TRIM42: variants seen among roughly 807,000 people sequenced by gnomAD.
TRIM42 encodes the protein tripartite motif-containing protein 42.
TRIM42 carries 59 observed loss-of-function variants against 64.9 expected under a neutral mutation model. The ratio of observed to expected loss-of-function variants is 0.91; its 90% confidence interval spans 0.74 to 1.13. The LOEUF (loss-of-function observed/expected upper bound fraction) is 1.13. Among genes scored for constraint, TRIM42 ranks in the 50% most tolerant of loss-of-function variants. TRIM42 has a pLI of 0.00. For synonymous variants in TRIM42, 354 were observed against 346.3 expected, an observed-to-expected ratio of 1.02 and a Z score of -0.25; for missense variants, 878 against 929.5, an observed-to-expected ratio of 0.94 and a Z score of 0.72.
At chr3:140,681,539 A>G (rs1468204185) in intron 1 of TRIM42, among the ~76,000 whole-genome samples, 1 of 152,078 alleles carries the variant, frequency 6.6e-6, no homozygotes, top group East Asian at 1.9e-4. Flanking sequence ...ATCCATTACC[A>G]TTACCTATTG....
At position 140,678,516 on chromosome 3, in the gene TRIM42, G is replaced by T. The variant is rs374519064; in HGVS notation, c.287G>T (p.Cys96Phe). 1 of 1,614,024 alleles carries T rather than the reference G, an allele frequency of 6.2e-7. No individual in the cohort carries two copies. The highest frequency in any genetic ancestry group is 8.5e-7 in the Non-Finnish European group (1 of 1,180,040). The change falls in exon 1 of 5, where the codon TGC becomes TTC. Residue 96 changes from cysteine to phenylalanine, a missense_variant. Cys to Phe is a radical substitution (Grantham distance 205). Transcript: ENST00000286349. Reference protein sequence around the residue: ...LNCYYYESRCCRNTIITFHKG... With the variant: ...LNCYYYESRCFRNTIITFHKG... ...TGCTACTACTATGAGAGCCGCTGCT[G>T]CCGCAATACCATCATCACTTTCCAC...
At chr3:140,689,134 C>G (rs938901522) in intron 3 of TRIM42, among the ~76,000 whole-genome samples, 15 of 152,200 alleles carry the variant, frequency 9.9e-5, no homozygotes, top group African/African-American at 3.6e-4. Context: ...TGCCTGGCCT[C>G]AAGGGACATG....
intron 1 of TRIM42, 89 bp downstream of exon 1, chr3:140,678,659 T>A: frequency 1.9e-6 from 2 of 1,055,466 alleles, no homozygotes; most frequent in Non-Finnish European, 2.7e-6. Context: ...GGCAGGCCAG[T>A]GAGCCTCTGA....
chr3:140,695,113 T>C (rs1988815866), intron 4 of TRIM42, among the ~76,000 whole-genome samples: 1 of 151,788 alleles, frequency 6.6e-6, no homozygotes, highest in Non-Finnish European at 1.5e-5. Flanking sequence ...CTGGGTGTGG[T>C]GGTGTGCGCT....
chr3:140,687,431 T>C (rs1005729780), intron 2 of TRIM42, among the ~76,000 whole-genome samples: 1 of 152,142 alleles, frequency 6.6e-6, no homozygotes, highest in Non-Finnish European at 1.5e-5. Context: ...AAAACCAATA[T>C]CAAGGGTGGG....
chr3:140,700,931 G>T lies in TRIM42; in HGVS notation c.2129G>T (p.Gly710Val). 2 of 1,614,114 alleles carry T rather than the reference G, an allele frequency of 1.2e-6. No homozygotes were observed. The highest frequency in any genetic ancestry group is 1.7e-6 in the Non-Finnish European group (2 of 1,179,960). ...DGHGKNRAKW[G>V]LLKNIQSALQ... is the part of the protein sequence containing the mutation. ...CATGGGAAGAACCGAGCTAAGTGGG[G>T]CCTGCTGAAGAATATCCAGTCTGCC... is the stretch of plus-strand genomic sequence containing the variant. The change falls in exon 5 of 5, where the codon GGC (glycine) becomes GTC (valine). Residue 710 changes from glycine (G) to valine (V), a missense_variant. Coordinates refer to ENST00000286349, the MANE Select transcript of TRIM42 (RefSeq NM_152616.5).
chr3:140,692,322 C>T (rs1424928136), intron 4 of TRIM42, among the ~76,000 whole-genome samples: 1 of 152,104 alleles, frequency 6.6e-6, no homozygotes, highest in African/African-American at 2.4e-5. Flanking sequence ...ATCTGACCAA[C>T]CATACTCTGT....
intron 4 of TRIM42, among the ~76,000 whole-genome samples, chr3:140,695,156 G>A (rs530578658): frequency 2.6e-5 from 4 of 152,278 alleles, no homozygotes; most frequent in South Asian, 2.1e-4. Context: ...GCTGAGGCAC[G>A]AGACTCGCTT....
At chr3:140,683,273 A>C (rs1414776268) in intron 2 of TRIM42, 114 bp downstream of exon 2, 17 of 1,099,642 alleles carry the variant, frequency 1.5e-5, no homozygotes, top group Non-Finnish European at 2.0e-5. Flanking sequence ...TAGTGGAGCA[A>C]TCAAGGCACC....
At chr3:140,688,635 A>C in intron 3 of TRIM42, 93 bp downstream of exon 3, 1 of 984,656 alleles carries the variant, frequency 1.0e-6, no homozygotes, top group Non-Finnish European at 1.5e-6. Context: ...TACCTCTTTG[A>C]CCTCTAGGAT....
chr3:140,681,897 G>GT (rs1383761056), intron 1 of TRIM42, among the ~76,000 whole-genome samples: 2 of 150,858 alleles, frequency 1.3e-5, no homozygotes, highest in East Asian at 2.0e-4. Flanking sequence ...AGGTTTTTTG[G>GT]TTAAAAAAAA....
At chr3:140,700,665 C>A (rs962083181) in intron 4 of TRIM42, among the ~76,000 whole-genome samples, 7 of 152,220 alleles carry the variant, frequency 4.6e-5, no homozygotes, top group African/African-American at 1.7e-4. Context: ...AGGATCTGGC[C>A]TATGGAATCA....
intron 4 of TRIM42, among the ~76,000 whole-genome samples, chr3:140,693,136 C>T (rs2107765119): frequency 6.6e-6 from 1 of 152,102 alleles, no homozygotes; most frequent in Non-Finnish European, 1.5e-5. Flanking sequence ...AATAAATGAA[C>T]AAATAAGGAA....
At chr3:140,682,289 C>G (rs1221479175) in intron 1 of TRIM42, among the ~76,000 whole-genome samples, 173 bp from the exon 2 acceptor site, 1 of 152,124 alleles carries the variant, frequency 6.6e-6, no homozygotes, top group Non-Finnish European at 1.5e-5. Flanking sequence ...GAGGTCACCC[C>G]GCTGAAAAAC....
At chr3:140,700,355 T>C (rs921752599) in intron 4 of TRIM42, among the ~76,000 whole-genome samples, 10 of 152,188 alleles carry the variant, frequency 6.6e-5, no homozygotes, top group African/African-American at 2.2e-4. Flanking sequence ...AATTATATTA[T>C]ATTATAGTTC....
At chr3:140,681,398 C>A (rs1261658392) in intron 1 of TRIM42, among the ~76,000 whole-genome samples, 4 of 152,190 alleles carry the variant, frequency 2.6e-5, no homozygotes, top group Non-Finnish European at 5.9e-5. Context: ...CCTCACAAAG[C>A]AAGTAGTACT....
At chr3:140,686,970 A>G (rs1479896050) in intron 2 of TRIM42, among the ~76,000 whole-genome samples, 1 of 152,196 alleles carries the variant, frequency 6.6e-6, no homozygotes, top group Admixed American at 6.5e-5. Flanking sequence ...AATCATATCC[A>G]TATTCTTAGT....
At chr3:140,690,363 A>G (rs1319403628) in intron 3 of TRIM42, among the ~76,000 whole-genome samples, 2 of 151,912 alleles carry the variant, frequency 1.3e-5, no homozygotes, top group Non-Finnish European at 2.9e-5. Flanking sequence ...GCATTTATTT[A>G]TTAGAGTATA....
intron 4 of TRIM42, among the ~76,000 whole-genome samples, chr3:140,699,661 C>T (rs1435606251): frequency 2.0e-5 from 3 of 152,172 alleles, no homozygotes; most frequent in African/African-American, 7.2e-5. Flanking sequence ...TAATTCCTAA[C>T]ACCTCGTAAC....
Sources: allele counts gnomAD v4.1 joint callset (sites outside exome capture counted in the v4.1 genomes callset), GRCh38; gene constraint gnomAD v4.1.1; transcripts MANE v1.5; gene names NCBI Gene and HGNC (gene_info 2026-07-23, HGNC 2026-07-21).